The following RUNX1 variants were observed in gnomAD, a reference collection of about 807,000 sequenced individuals.
The protein encoded by RUNX1 is RUNX family transcription factor 1, also known as runt-related transcription factor 1.
Under a neutral mutation model 42.8 loss-of-function variants are expected in RUNX1, and 19 were observed. The observed-to-expected ratio is 0.44, with a 90% CI of 0.31 to 0.65. The LOEUF (loss-of-function observed/expected upper bound fraction) is 0.65, where lower values mean the gene tolerates loss of function less well. Among genes scored for constraint, RUNX1 ranks in the 30% least tolerant of loss-of-function variants. The pLI, the probability that RUNX1 is intolerant of heterozygous loss-of-function variation, is 0.07. For synonymous variants in RUNX1, 271 were observed against 289.4 expected (o/e 0.94, Z 0.64); for missense variants, 528 against 672.0 (o/e 0.79, Z 2.37).
chr21:34,823,075 A>G (rs561376987), intron 7 of RUNX1, among the ~76,000 whole-genome samples: 1 of 152,364 alleles, frequency 6.6e-6, no homozygotes, highest in South Asian at 2.1e-4. Context: ...ATAAAGCCGT[A>G]AGGTAAAGAG....
intron 6 of RUNX1, among the ~76,000 whole-genome samples, chr21:34,840,743 GT>G (rs2057222538): frequency 6.6e-6 from 1 of 152,196 alleles, no homozygotes; most frequent in African/African-American, 2.4e-5. Flanking sequence ...TGTGCTGGGG[GT>G]CAGCAGCTTT....
At chr21:34,962,378 C>T (rs1231880308) in intron 2 of RUNX1, among the ~76,000 whole-genome samples, 2 of 152,194 alleles carry the variant, frequency 1.3e-5, no homozygotes, top group African/African-American at 4.8e-5. Context: ...ACAGGATGTT[C>T]TGTTTGACCA....
At chr21:34,896,869 G>A (rs1008974397) in intron 2 of RUNX1, among the ~76,000 whole-genome samples, 2 of 152,150 alleles carry the variant, frequency 1.3e-5, no homozygotes, top group Non-Finnish European at 1.5e-5. Flanking sequence ...CAGAAATGGA[G>A]CAGAGAGTAG....
At chr21:34,913,235 AAAGAAG>A (rs1256628750) in intron 2 of RUNX1, among the ~76,000 whole-genome samples, 3 of 152,110 alleles carry the variant, frequency 2.0e-5, no homozygotes, top group Non-Finnish European at 4.4e-5. Context: ...TCCATCTCAA[AAAGAAG>A]AAGAAGGAGA....
chr21:34,930,148 C>A (rs2146589818), intron 2 of RUNX1, among the ~76,000 whole-genome samples: 2 of 140,108 alleles, frequency 1.4e-5, no homozygotes, highest in South Asian at 4.4e-4. Flanking sequence ...ATATTAATTT[C>A]TTAGCTGCAA....
chr21:34,870,109 G>T (rs576327539), intron 5 of RUNX1, among the ~76,000 whole-genome samples: 1 of 152,136 alleles, frequency 6.6e-6, no homozygotes, highest in Admixed American at 6.5e-5. Flanking sequence ...GAACCGTATG[G>T]GGCCCTGAAA....
chr21:34,794,483 G>T (rs1286540566), intron 8 of RUNX1, among the ~76,000 whole-genome samples: 1 of 152,150 alleles, frequency 6.6e-6, no homozygotes, highest in Non-Finnish European at 1.5e-5. Flanking sequence ...GTAGATGTAG[G>T]ACCTTGATTT....
intron 8 of RUNX1, among the ~76,000 whole-genome samples, chr21:34,796,799 T>G (rs1017444389): frequency 6.6e-6 from 1 of 152,216 alleles, no homozygotes; most frequent in Admixed American, 6.5e-5. Flanking sequence ...CATTAATTTT[T>G]TTTGAAAAAG....
intron 4 of RUNX1, among the ~76,000 whole-genome samples, chr21:34,883,526 T>C (rs2057936935): frequency 6.6e-6 from 1 of 152,202 alleles, no homozygotes; most frequent in Non-Finnish European, 1.5e-5. Flanking sequence ...TAAAAATATC[T>C]AACTTCAAAC....
chr21:34,985,424 A>G (rs546262804), intron 2 of RUNX1, among the ~76,000 whole-genome samples: 1 of 152,344 alleles, frequency 6.6e-6, no homozygotes, highest in East Asian at 1.9e-4. Flanking sequence ...CGGCAAGTAC[A>G]ATCTGTAGGA....
intron 2 of RUNX1, among the ~76,000 whole-genome samples, chr21:34,925,631 T>G (rs546736222): frequency 2.1e-4 from 32 of 152,350 alleles, no homozygotes; most frequent in Admixed American, 4.6e-4. Context: ...CTTCCTGATC[T>G]TAGACTTCTG....
chr21:34,819,162 T>C (rs2056872659), intron 7 of RUNX1, among the ~76,000 whole-genome samples: 1 of 152,208 alleles, frequency 6.6e-6, no homozygotes, highest in Non-Finnish European at 1.5e-5. Flanking sequence ...TCATTACACT[T>C]GGGAGGAAAC....
intron 2 of RUNX1, among the ~76,000 whole-genome samples, chr21:35,015,116 T>C (rs2059150633): frequency 6.6e-6 from 1 of 152,224 alleles, no homozygotes; most frequent in Non-Finnish European, 1.5e-5. Flanking sequence ...GAAGTCAAAC[T>C]GCCCAGGTTC....
rs572612826 is a variant in RUNX1, at chr21:34,903,563, T to C, written c.59-10600A>G. ...CCTATTTGTTTTGGGACATAGAAAG[T>C]CTACTCAAGAATCCAGAGTAAGACC... On this transcript the variant is annotated intron_variant, in intron 2 of 8. Coordinates refer to ENST00000675419, the MANE Select transcript of RUNX1 (RefSeq NM_001754.5). Among the ~76,000 whole-genome samples the C allele has an allele frequency of 2.0e-5, 3 of 152,320 alleles. No homozygotes were observed. In the East Asian group the frequency reaches 5.8e-4, roughly 29 times the overall value.
chr21:34,909,746 TGCAA>T (rs2058257430), intron 2 of RUNX1, among the ~76,000 whole-genome samples: 1 of 152,192 alleles, frequency 6.6e-6, no homozygotes, highest in African/African-American at 2.4e-5. Flanking sequence ...GTTTCATTGT[TGCAA>T]AGTATAGCCA....
intron 6 of RUNX1, among the ~76,000 whole-genome samples, chr21:34,836,195 T>G (rs939804169): frequency 6.6e-6 from 1 of 152,224 alleles, no homozygotes; most frequent in Non-Finnish European, 1.5e-5. Context: ...GATTCAGCGC[T>G]CCAGCCCACA....
intron 5 of RUNX1, among the ~76,000 whole-genome samples, chr21:34,860,190 C>T (rs539917649): frequency 6.6e-6 from 1 of 152,290 alleles, no homozygotes; most frequent in Admixed American, 6.5e-5. Flanking sequence ...GTATATGTAA[C>T]TGACAGACTG....
chr21:35,030,661 G>C (rs2059266607), intron 2 of RUNX1, among the ~76,000 whole-genome samples: 1 of 152,108 alleles, frequency 6.6e-6, no homozygotes, highest in African/African-American at 2.4e-5. Context: ...CCATTGGTCT[G>C]GGCAAAGATT....
intron 2 of RUNX1, among the ~76,000 whole-genome samples, chr21:34,969,371 C>T (rs1420679078): frequency 6.6e-6 from 1 of 151,628 alleles, no homozygotes; most frequent in Admixed American, 6.6e-5. Context: ...ACTCACAGGG[C>T]AGGCTGTCTC....
Sources: gnomAD v4.1 joint callset for allele counts (sites outside exome capture counted in the v4.1 genomes callset) on GRCh38, gnomAD v4.1.1 for gene constraint, MANE v1.5 for transcripts, NCBI Gene and HGNC (gene_info 2026-07-23, HGNC 2026-07-21) for gene names.